Variants in NCAM2 observed in about 807,000 individuals in gnomAD.
The protein encoded by NCAM2 is neural cell adhesion molecule 2, also known as N-CAM-2.
NCAM2 carries 30 observed loss-of-function variants against 98.1 expected under a neutral mutation model. The observed-to-expected ratio is 0.31, with a 90% confidence interval of 0.23 to 0.41. NCAM2 has a LOEUF of 0.41. NCAM2 is among the 10% of genes least tolerant of loss of function. The pLI, the probability that NCAM2 is intolerant of heterozygous loss-of-function variation, is 1.00. For missense variants in NCAM2, 867 were observed against 1,005.8 expected (o/e 0.86, Z 1.87); for synonymous variants, 368 against 342.4 (o/e 1.07, Z -0.83).
chr21:21,057,417 C>T (rs2146315864), intron 1 of NCAM2, among the ~76,000 whole-genome samples: 1 of 152,218 alleles, frequency 6.6e-6, no homozygotes, highest in East Asian at 1.9e-4. Context: ...AATGACACTT[C>T]CATTTTAAAG....
At chr21:21,396,953 C>G (rs984896984) in intron 9 of NCAM2, among the ~76,000 whole-genome samples, 1 of 152,170 alleles carries the variant, frequency 6.6e-6, no homozygotes. Context: ...ACAGCTCTTT[C>G]AGTCCCGCCA....
chr21:21,393,606 T>A (rs545778384), intron 9 of NCAM2, among the ~76,000 whole-genome samples: 1 of 152,294 alleles, frequency 6.6e-6, no homozygotes, highest in African/African-American at 2.4e-5. Context: ...GCAGGTTTGT[T>A]TTGAAAGGCA....
rs116641497 is a variant in NCAM2 at position 21,210,419 on chromosome 21, C to T, written c.56-70159C>T. The T allele has an allele frequency of 4.7e-3, 3,392 of 720,718 alleles. 94 individuals carry two copies. In the African/African-American group the frequency reaches 0.061, roughly 13 times the overall value. The allele number at this position is 720,718 out of a possible 1,614,324, so 44.6% of individuals were successfully genotyped here. ...AATTTATTTAACAATTTTCAAAATA[C>T]TGAGATATTTAAGAGCACCAGGACA... On this transcript the variant is annotated intron_variant, in intron 1 of 17. Transcript: ENST00000400546.
At chr21:21,069,224 A>G (rs1038290865) in intron 1 of NCAM2, among the ~76,000 whole-genome samples, 4 of 152,230 alleles carry the variant, frequency 2.6e-5, no homozygotes, top group Non-Finnish European at 4.4e-5. Flanking sequence ...AAGAAGAAAT[A>G]TAGGTGATTT....
intron 1 of NCAM2, among the ~76,000 whole-genome samples, chr21:21,254,580 T>C (rs543266830): frequency 6.6e-6 from 1 of 152,326 alleles, no homozygotes; most frequent in African/African-American, 2.4e-5. Flanking sequence ...CTTTAATGTC[T>C]AGACCATAAC....
At chr21:21,420,530 A>G (rs556711164) in intron 11 of NCAM2, among the ~76,000 whole-genome samples, 19 of 152,200 alleles carry the variant, frequency 1.2e-4, no homozygotes, top group Admixed American at 2.6e-4. Context: ...AAGAAATTTT[A>G]TAACCTTTTC....
chr21:21,177,154 G>T (rs1169128407), intron 1 of NCAM2, among the ~76,000 whole-genome samples: 1 of 151,984 alleles, frequency 6.6e-6, no homozygotes, highest in East Asian at 1.9e-4. Context: ...TTTTATTCAA[G>T]AAATCTTTAG....
At chr21:21,004,829 A>G (rs77528130) in intron 1 of NCAM2, among the ~76,000 whole-genome samples, 1,691 of 152,228 alleles carry the variant, frequency 0.011, 22 homozygotes, top group African/African-American at 0.038. Context: ...AATAACTAAG[A>G]TTGTACTGCT....
chr21:21,524,486 G>A (rs1411307851), intron 16 of NCAM2, among the ~76,000 whole-genome samples: 1 of 150,334 alleles, frequency 6.7e-6, no homozygotes, highest in Non-Finnish European at 1.5e-5. Flanking sequence ...GCTGAGATCG[G>A]GCAATTGCAC....
chr21:21,133,726 A>G (rs752637500), intron 1 of NCAM2, among the ~76,000 whole-genome samples: 9 of 152,196 alleles, frequency 5.9e-5, no homozygotes, highest in Non-Finnish European at 1.0e-4. Context: ...ATCAGTGCAT[A>G]ATGCACAGTT....
chr21:21,056,523 T>TGTGCGCGCGC lies in NCAM2; in HGVS notation c.55+57906_55+57907insTGCGCGCGCG, dbSNP rs1555877351. On this transcript the variant is annotated intron_variant, in intron 1 of 17. Transcript: ENST00000400546. ...GTGTGTGTGTGTGTGTGTGTGTGTG[T>TGTGCGCGCGC]GCATGAGAGAGGGGGAGAGAGAGGA... 2.9e-3 allele frequency among the ~76,000 whole-genome samples: 424 copies of TGTGCGCGCGC among 145,396 alleles called. 1 individual carries two copies. Among genetic ancestry groups the TGTGCGCGCGC allele is most frequent in the African/African-American group, 0.01 (398 of 39,600 alleles).
chr21:21,330,855 A>T (rs1281454738), intron 6 of NCAM2, among the ~76,000 whole-genome samples: 1 of 152,072 alleles, frequency 6.6e-6, no homozygotes, highest in African/African-American at 2.4e-5. Context: ...TCATTTTACC[A>T]TGTCTTCAAG....
At chr21:21,331,557 TACTCTATATACATATATATATAGAGAG>T in intron 6 of NCAM2, among the ~76,000 whole-genome samples, 1 of 3,186 alleles carries the variant, frequency 3.1e-4, no homozygotes, top group African/African-American at 1.1e-3. Flanking sequence ...TATATATATA[TACTCTATATACATATATATATAGAGAG>T]AGAGAGAGAG....
chr21:21,269,052 T>A (rs1408816925), intron 1 of NCAM2, among the ~76,000 whole-genome samples: 1 of 152,166 alleles, frequency 6.6e-6, no homozygotes, highest in Non-Finnish European at 1.5e-5. Context: ...AATACTTGCA[T>A]TGAAAAAACT....
At chr21:21,361,643 T>C (rs1017908259) in intron 8 of NCAM2, among the ~76,000 whole-genome samples, 4 of 152,116 alleles carry the variant, frequency 2.6e-5, no homozygotes, top group Non-Finnish European at 5.9e-5. Flanking sequence ...TTCTGTAATC[T>C]CCAAATTTCA....
At chr21:21,421,706 T>C (rs902201616) in intron 11 of NCAM2, among the ~76,000 whole-genome samples, 4 of 152,162 alleles carry the variant, frequency 2.6e-5, no homozygotes, top group East Asian at 1.9e-4. Flanking sequence ...TTTCCTAATA[T>C]ATGAGGATAC....
At chr21:21,148,455 G>GA (rs1422458764) in intron 1 of NCAM2, among the ~76,000 whole-genome samples, 4 of 152,146 alleles carry the variant, frequency 2.6e-5, no homozygotes, top group African/African-American at 9.7e-5. Context: ...AGCCTCTCTG[G>GA]AAAAATTTAT....
intron 9 of NCAM2, among the ~76,000 whole-genome samples, chr21:21,404,060 T>C (rs547729557): frequency 6.3e-4 from 96 of 152,312 alleles, no homozygotes; most frequent in African/African-American, 2.2e-3. Context: ...GTTTTATGCT[T>C]TCAAGTGTCT....
chr21:21,461,138 C>T (rs760279441), intron 12 of NCAM2, among the ~76,000 whole-genome samples: 9 of 151,706 alleles, frequency 5.9e-5, no homozygotes, highest in Non-Finnish European at 1.3e-4. Context: ...TGATATTTTA[C>T]GTACTCAGTG....
Sources: gnomAD v4.1 joint callset for allele counts (sites outside exome capture counted in the v4.1 genomes callset) on GRCh38, gnomAD v4.1.1 for gene constraint, MANE v1.5 for transcripts, NCBI Gene and HGNC (gene_info 2026-07-23, HGNC 2026-07-21) for gene names.